The following ELMO1 variants were observed in gnomAD, a reference collection of about 807,000 sequenced individuals.
ELMO1 encodes the protein engulfment and cell motility protein 1.
ELMO1 carries 26 observed loss-of-function variants against 98.9 expected under a neutral mutation model. The ratio of observed to expected loss-of-function variants is 0.26; its 90% CI spans 0.19 to 0.36. The LOEUF is 0.36. ELMO1 is among the 10% of genes least tolerant of loss of function. ELMO1 has a pLI of 1.00. For missense variants in ELMO1, 627 were observed against 935.2 expected (o/e 0.67, Z 4.30); for synonymous variants, 346 against 346.0 (o/e 1.00, Z 0.00).
At chr7:37,180,329 T>A (rs1449832888) in intron 13 of ELMO1, among the ~76,000 whole-genome samples, 2 of 152,168 alleles carry the variant, frequency 1.3e-5, no homozygotes, top group African/African-American at 4.8e-5. Flanking sequence ...CATGTGGAAA[T>A]CAGGACCCAT....
rs190601900 is a variant in ELMO1, at chr7:36,986,120, T to C, written c.1437+27179A>G. ...ACCCGCCGCACACCTTTAAATGGTATACACTCCAAGTCCAGAAGAATAAGC... is the reference window on the plus strand; with the variant it reads ...ACCCGCCGCACACCTTTAAATGGTACACACTCCAAGTCCAGAAGAATAAGC... On this transcript the variant is annotated intron_variant, in intron 16 of 21. Coordinates refer to ENST00000310758, the MANE Select transcript of ELMO1 (RefSeq NM_014800.11). 38 of 988,810 alleles carry C rather than the reference T, an allele frequency of 3.8e-5. No individual in the cohort carries two copies. In the African/African-American group the frequency reaches 6.6e-4, roughly 17 times the overall value. The allele number at this position is 988,810 out of a possible 1,614,324, so 61.3% of individuals were successfully genotyped here.
chr7:37,211,050 C>A, intron 13 of ELMO1: 1 of 222,552 alleles, frequency 4.5e-6, no homozygotes. Flanking sequence ...TAATAAGATC[C>A]ATCACTCATT....
intron 9 of ELMO1, 111 bp downstream of exon 9, chr7:37,224,767 TC>T: frequency 6.9e-7 from 1 of 1,450,310 alleles, no homozygotes; most frequent in Non-Finnish European, 9.3e-7. Flanking sequence ...AAATTGAGAT[TC>T]TTTTTCTGTA....
At chr7:36,986,209 G>C (rs1174267964) in intron 16 of ELMO1, 1 of 985,438 alleles carries the variant, frequency 1.0e-6, no homozygotes, top group Non-Finnish European at 1.2e-6. Context: ...AGGAGTCGGG[G>C]AAAGATCAGC....
intron 1 of ELMO1, among the ~76,000 whole-genome samples, chr7:37,344,811 C>T (rs746814606): frequency 6.6e-6 from 1 of 152,218 alleles, no homozygotes; most frequent in Non-Finnish European, 1.5e-5. Context: ...AAAAGACACA[C>T]GCTCCCTTTT....
intron 8 of ELMO1, among the ~76,000 whole-genome samples, chr7:37,230,421 C>T (rs565044369): frequency 6.6e-6 from 1 of 152,230 alleles, no homozygotes; most frequent in African/African-American, 2.4e-5. Context: ...TGCCTTCCAC[C>T]ACTTGGAAAG....
chr7:37,027,582 T>C (rs1794652053), intron 15 of ELMO1, among the ~76,000 whole-genome samples: 1 of 152,156 alleles, frequency 6.6e-6, no homozygotes, highest in Admixed American at 6.5e-5. Context: ...TAGAGATGTA[T>C]ACTAGTAAAC....
chr7:37,448,996 G>T (rs1008119162), upstream of ELMO1: 1 of 152,240 alleles, frequency 6.6e-6, no homozygotes, highest in African/African-American at 2.4e-5. Flanking sequence ...CCGAGCGGAC[G>T]CTGCGGAGTT....
At chr7:37,186,161 C>T (rs944607461) in intron 13 of ELMO1, among the ~76,000 whole-genome samples, 7 of 152,168 alleles carry the variant, frequency 4.6e-5, no homozygotes, top group South Asian at 2.1e-4. Flanking sequence ...TAAGCCTTCA[C>T]ATTTATAGTC....
chr7:37,378,751 CT>C (rs11308736), intron 1 of ELMO1, among the ~76,000 whole-genome samples: 9,883 of 149,890 alleles, frequency 0.066, 396 homozygotes, highest in Non-Finnish European at 0.089. Flanking sequence ...CATTCCTGAT[CT>C]TTTTTTTTTA....
intron 15 of ELMO1, among the ~76,000 whole-genome samples, chr7:37,054,952 G>A (rs1438599656): frequency 2.0e-5 from 3 of 152,240 alleles, no homozygotes; most frequent in African/African-American, 7.2e-5. Context: ...ATTAGCATAT[G>A]TATTGCATTT....
At chr7:37,176,780 C>T (rs1790519228) in intron 13 of ELMO1, among the ~76,000 whole-genome samples, 1 of 152,158 alleles carries the variant, frequency 6.6e-6, no homozygotes, top group Non-Finnish European at 1.5e-5. Context: ...TCTTTTATTT[C>T]TCTATTACTT....
intron 18 of ELMO1, among the ~76,000 whole-genome samples, chr7:36,884,221 G>A (rs117426452): frequency 0.022 from 3,330 of 151,690 alleles, 59 homozygotes; most frequent in Middle Eastern, 0.058. Context: ...GGAGGCTGAC[G>A]CAGGAGAACT....
intron 2 of ELMO1, among the ~76,000 whole-genome samples, chr7:37,323,197 C>T (rs1396534464): frequency 1.3e-5 from 2 of 152,176 alleles, no homozygotes; most frequent in African/African-American, 4.8e-5. Context: ...ATGAAGTATG[C>T]CTTTCCATAT....
chr7:37,067,616 A>G (rs1797053915), intron 15 of ELMO1, among the ~76,000 whole-genome samples: 1 of 152,238 alleles, frequency 6.6e-6, no homozygotes. Context: ...GATTTCAGAC[A>G]TTTAAAACAT....
intron 16 of ELMO1, among the ~76,000 whole-genome samples, chr7:37,009,394 T>C (rs946563054): frequency 6.6e-6 from 1 of 152,208 alleles, no homozygotes. Flanking sequence ...CACTCTTCAA[T>C]TCTACTTCTC....
chr7:37,089,666 C>G (rs986700913), intron 15 of ELMO1, among the ~76,000 whole-genome samples: 54 of 152,180 alleles, frequency 3.5e-4, no homozygotes, highest in Non-Finnish European at 6.8e-4. Context: ...GATACTAGTG[C>G]ATTTCCCCAA....
At chr7:37,061,336 AC>A (rs745624297) in intron 15 of ELMO1, among the ~76,000 whole-genome samples, 49 of 152,328 alleles carry the variant, frequency 3.2e-4, no homozygotes, top group South Asian at 2.3e-3. Flanking sequence ...GGATACAGCC[AC>A]AAAGTAGAGA....
chr7:37,144,476 C>T (rs1015581051), intron 13 of ELMO1, among the ~76,000 whole-genome samples: 1 of 152,172 alleles, frequency 6.6e-6, no homozygotes, highest in African/African-American at 2.4e-5. Flanking sequence ...GCTTTGGATA[C>T]AGATTTATTT....
Sources: gnomAD v4.1 joint callset for allele counts (sites outside exome capture counted in the v4.1 genomes callset) on GRCh38, gnomAD v4.1.1 for gene constraint, MANE v1.5 for transcripts, NCBI Gene and HGNC (gene_info 2026-07-23, HGNC 2026-07-21) for gene names.